Variants in CYFIP2 observed in about 807,000 individuals in gnomAD.
CYFIP2 encodes the protein cytoplasmic FMR1-interacting protein 2.
In CYFIP2, 29 loss-of-function variants were observed where a neutral mutation model predicts 158.7. That is an observed-to-expected ratio of 0.18 (90% CI 0.14 to 0.25). The LOEUF (loss-of-function observed/expected upper bound fraction) is 0.25. CYFIP2 is among the 10% of genes least tolerant of loss of function. CYFIP2 has a pLI of 1.00. For synonymous variants in CYFIP2, 585 were observed against 617.6 expected, an observed-to-expected ratio of 0.95 and a Z score of 0.78; for missense variants, 852 against 1,639.5, an observed-to-expected ratio of 0.52 and a Z score of 8.29.
chr5:157,374,803 A>G (rs1418005960), intron 26 of CYFIP2, among the ~76,000 whole-genome samples: 1 of 152,246 alleles, frequency 6.6e-6, no homozygotes, highest in East Asian at 1.9e-4. Context: ...AACTTAATTC[A>G]TCTTTATTTC....
At chr5:157,296,652 T>A (rs1380053552) in intron 4 of CYFIP2, 21 bp from the exon 5 acceptor site, 1 of 1,602,330 alleles carries the variant, frequency 6.2e-7, no homozygotes, top group South Asian at 1.1e-5. Flanking sequence ...AGGATGTGTG[T>A]GTCCCCATTA....
intron 1 of CYFIP2, among the ~76,000 whole-genome samples, chr5:157,272,541 C>T (rs999646047): frequency 5.3e-5 from 8 of 152,240 alleles, no homozygotes; most frequent in African/African-American, 1.9e-4. Context: ...CTCACTGTTT[C>T]TTCTAGTAGC....
chr5:157,278,893 C>T (rs1756771244), intron 1 of CYFIP2, among the ~76,000 whole-genome samples: 1 of 152,194 alleles, frequency 6.6e-6, no homozygotes, highest in African/African-American at 2.4e-5. Flanking sequence ...TAAGCAAATC[C>T]TCTCTGCCTT....
chr5:157,391,225 A>G (rs1767251576), intron 30 of CYFIP2, among the ~76,000 whole-genome samples: 1 of 152,168 alleles, frequency 6.6e-6, no homozygotes, highest in South Asian at 2.1e-4. Flanking sequence ...AGGAAGGCGG[A>G]TCGAAGGGTG....
At position 157,339,073 on chromosome 5, in the gene CYFIP2, T is replaced by A; in HGVS notation, c.2402T>A (p.Leu801Gln). The part of the protein sequence containing the change: ...LTSIVELEWL[L>Q]EINRLTHRLL... ...TCTGTACAGGAGCTGGAGTGGCTGCTGGAGATTAACCGGCTCACGCATCGG... is the reference window on the plus strand; with the variant it reads ...TCTGTACAGGAGCTGGAGTGGCTGCAGGAGATTAACCGGCTCACGCATCGG... The change falls in exon 22 of 31, where the codon CTG becomes CAG. Residue 801 changes from leucine (L) to glutamine (Q), a missense_variant. Leu to Gln is a moderately radical substitution (Grantham distance 113). Coordinates refer to ENST00000620254, the MANE Select transcript of CYFIP2 (RefSeq NM_001037333.3). 6.2e-7 allele frequency: 1 copy of A among 1,611,090 alleles called. No homozygotes were observed. The highest frequency in any genetic ancestry group is 8.5e-7 in the Non-Finnish European group (1 of 1,178,898).
intron 26 of CYFIP2, chr5:157,375,943 G>A (rs967392251): frequency 3.3e-5 from 5 of 152,104 alleles, no homozygotes; most frequent in African/African-American, 4.8e-5. Flanking sequence ...TCTAAGCCCC[G>A]TTAGAACTGA....
Position 157,387,308 on chromosome 5 carries a change from GA to G in CYFIP2, c.3208-1878del, listed in dbSNP as rs752364941. On this transcript the variant is annotated intron_variant, in intron 28 of 30. Coordinates refer to ENST00000620254, the MANE Select transcript of CYFIP2 (RefSeq NM_001037333.3). ...ACAAACACTTTTCAAAGGAAAGGGA[GA>G]AAGCTCCTGTGTCATTCAAGGCCCT... Among the ~76,000 whole-genome samples, 11 of 152,254 alleles carry G rather than the reference GA, an allele frequency of 7.2e-5. 1 individual carries two copies. Among genetic ancestry groups the G allele is most frequent in the Admixed American group, 6.5e-4 (10 of 15,304 alleles).
chr5:157,352,417 G>A (rs951434092), intron 23 of CYFIP2, among the ~76,000 whole-genome samples: 1 of 152,184 alleles, frequency 6.6e-6, no homozygotes, highest in Non-Finnish European at 1.5e-5. Flanking sequence ...GGGCTGACCA[G>A]GGGAATCTTG....
At chr5:157,386,139 G>A (rs1208201566) in intron 28 of CYFIP2, among the ~76,000 whole-genome samples, 1 of 152,170 alleles carries the variant, frequency 6.6e-6, no homozygotes, top group African/African-American at 2.4e-5. Flanking sequence ...AGTAATCAGT[G>A]AAATGCACAT....
At chr5:157,360,107 C>T (rs1451264718) in intron 24 of CYFIP2, among the ~76,000 whole-genome samples, 175 bp from the exon 25 acceptor site, 6 of 152,206 alleles carry the variant, frequency 3.9e-5, no homozygotes, top group African/African-American at 1.2e-4. Flanking sequence ...CCCAAGACAA[C>T]GAGAGAGCTC....
At chr5:157,324,208 A>G in intron 16 of CYFIP2, 134 bp downstream of exon 16, 1 of 1,062,954 alleles carries the variant, frequency 9.4e-7, no homozygotes, top group Non-Finnish European at 1.3e-6. Flanking sequence ...CCACCAAGGA[A>G]AAAACACATA....
At position 157,360,305 on chromosome 5, in the gene CYFIP2, T is replaced by C. The variant is rs756411153; in HGVS notation, c.2841T>C (p.Tyr947=). ...KSLLQGTILQ[Y]VKTLIEVMPK... is the part of the protein sequence containing the mutation. ...AGCTCCAAGGAACCATTCTCCAGTA[T>C]GTGAAAACACTGATAGAGGTGATGC... The change falls in exon 25 of 31, where the codon TAT becomes TAC. Residue 947 remains tyrosine, a synonymous_variant. Coordinates refer to ENST00000620254, the MANE Select transcript of CYFIP2 (RefSeq NM_001037333.3). 3 of 1,613,846 alleles carry C rather than the reference T, an allele frequency of 1.9e-6. No homozygotes were observed. The highest frequency in any genetic ancestry group is 1.7e-4 in the Middle Eastern group (1 of 6,060).
At chr5:157,298,144 T>C (rs1443927161) in intron 5 of CYFIP2, among the ~76,000 whole-genome samples, 1 of 152,190 alleles carries the variant, frequency 6.6e-6, no homozygotes, top group African/African-American at 2.4e-5. Context: ...TCTTTCTTTC[T>C]TGCTCTTTCT....
chr5:157,294,851 C>T lies in CYFIP2; in HGVS notation c.276C>T (p.Ala92=), dbSNP rs1758122421. 6.2e-7 allele frequency: 1 copy of T among 1,613,418 alleles called. No individual in the cohort carries two copies. The highest frequency in any genetic ancestry group is 8.5e-7 in the Non-Finnish European group (1 of 1,179,444). The change falls in exon 4 of 31, where the codon GCC becomes GCT. Residue 92 remains alanine, a synonymous_variant. Transcript: ENST00000620254. ...MLYTWRSCSR[A]IPQVKCNEQP... ...ACACCTGGCGCAGCTGTTCCCGGGC[C>T]ATTCCCCAGGTGAGACTGTCCTTGT...
chr5:157,384,738 G>A (rs937782711), intron 28 of CYFIP2: 27 of 326,072 alleles, frequency 8.3e-5, no homozygotes, highest in Non-Finnish European at 1.6e-4. Flanking sequence ...TCAGGAGGTC[G>A]AGACCAGCCT....
chr5:157,268,967 C>T (rs1755852241), intron 1 of CYFIP2, among the ~76,000 whole-genome samples: 1 of 152,044 alleles, frequency 6.6e-6, no homozygotes, highest in Non-Finnish European at 1.5e-5. Flanking sequence ...ATGAAAGTGC[C>T]GAGCAGAATG....
intron 28 of CYFIP2, among the ~76,000 whole-genome samples, chr5:157,386,608 G>A (rs1440296177): frequency 2.6e-5 from 4 of 152,266 alleles, no homozygotes; most frequent in African/African-American, 9.6e-5. Flanking sequence ...CTCAGCGGTA[G>A]CTCACACGAT....
rs3930068 is a variant in CYFIP2 at position 157,328,182 on chromosome 5, G to A, written c.2156+133G>A. 8.6e-5 allele frequency: 70 copies of A among 815,282 alleles called. No individual in the cohort carries two copies. In the South Asian group the frequency reaches 9.6e-4, roughly 11 times the overall value. 50.5% of individuals were successfully genotyped at this position (815,282 alleles called of 1,614,324 possible). ...GAGCCATTCCACGGACCCGGACTGGGTGCTGAGATAGAGTGGAAAGGAAAC... is the reference window on the plus strand; with the variant it reads ...GAGCCATTCCACGGACCCGGACTGGATGCTGAGATAGAGTGGAAAGGAAAC... On this transcript the variant is annotated intron_variant, in intron 19 of 30. Coordinates refer to ENST00000620254, the MANE Select transcript of CYFIP2 (RefSeq NM_001037333.3).
intron 13 of CYFIP2, among the ~76,000 whole-genome samples, chr5:157,317,851 G>A (rs973398617): frequency 2.0e-5 from 3 of 151,968 alleles, no homozygotes; most frequent in Non-Finnish European, 4.4e-5. Flanking sequence ...ATGAGTTTTG[G>A]TATTATTCTT....
Sources: gnomAD v4.1 joint callset for allele counts (sites outside exome capture counted in the v4.1 genomes callset) on GRCh38, gnomAD v4.1.1 for gene constraint, MANE v1.5 for transcripts, NCBI Gene and HGNC (gene_info 2026-07-23, HGNC 2026-07-21) for gene names.